DTNB: variants seen among roughly 807,000 people sequenced by gnomAD.
DTNB encodes the protein dystrobrevin beta.
In DTNB, 63 loss-of-function variants were observed where a neutral mutation model predicts 90.7. The ratio of observed to expected loss-of-function variants is 0.69; its 90% CI spans 0.57 to 0.86. The LOEUF (loss-of-function observed/expected upper bound fraction) is 0.86. Ranked by LOEUF, DTNB falls within the 40% of genes least tolerant of loss-of-function variation. The probability of loss-of-function intolerance (pLI) is 0.00; values close to 1 mark genes in which losing one functional copy is unlikely to be tolerated. For synonymous variants in DTNB, 277 were observed against 286.7 expected, an observed-to-expected ratio of 0.97 and a Z score of 0.34; for missense variants, 744 against 807.1, an observed-to-expected ratio of 0.92 and a Z score of 0.95.
intron 16 of DTNB, among the ~76,000 whole-genome samples, chr2:25,394,652 A>G (rs999300819): frequency 2.6e-5 from 4 of 152,238 alleles, no homozygotes; most frequent in Admixed American, 6.5e-5. Context: ...ATTACTAATT[A>G]TCAGGGAAAT....
At chr2:25,432,318 C>T (rs1285255420) in intron 14 of DTNB, among the ~76,000 whole-genome samples, 3 of 152,084 alleles carry the variant, frequency 2.0e-5, no homozygotes, top group African/African-American at 7.2e-5. Flanking sequence ...TCCCCATTCC[C>T]TCCAAAACAC....
chr2:25,572,416 G>A (rs976861868), intron 8 of DTNB, among the ~76,000 whole-genome samples: 1 of 150,812 alleles, frequency 6.6e-6, no homozygotes, highest in African/African-American at 2.4e-5. Context: ...GCAGTTAGCC[G>A]AGATCGCGCC....
At chr2:25,593,565 A>C (rs2063967262) in intron 6 of DTNB, among the ~76,000 whole-genome samples, 1 of 152,150 alleles carries the variant, frequency 6.6e-6, no homozygotes, top group South Asian at 2.1e-4. Flanking sequence ...CAAATTTGAC[A>C]TATACAAAAA....
chr2:25,605,237 G>A (rs193179349), intron 5 of DTNB, among the ~76,000 whole-genome samples: 1 of 152,206 alleles, frequency 6.6e-6, no homozygotes, highest in Non-Finnish European at 1.5e-5. Flanking sequence ...AACCACACTT[G>A]AAATCTACTT....
At chr2:25,639,600 T>A (rs758293483) in intron 2 of DTNB, among the ~76,000 whole-genome samples, 181 of 146,258 alleles carry the variant, frequency 1.2e-3, no homozygotes, top group Non-Finnish European at 2.2e-3. Context: ...GCCTGTATTT[T>A]CCAAAAAAAA....
At chr2:25,515,485 T>C (rs2074903607) in intron 9 of DTNB, among the ~76,000 whole-genome samples, 1 of 152,176 alleles carries the variant, frequency 6.6e-6, no homozygotes, top group African/African-American at 2.4e-5. Context: ...TTATAGTCGG[T>C]TGATTTTGAC....
At chr2:25,493,295 T>C (rs1013210335) in intron 9 of DTNB, among the ~76,000 whole-genome samples, 1 of 152,222 alleles carries the variant, frequency 6.6e-6, no homozygotes, top group Non-Finnish European at 1.5e-5. Context: ...TAATCTCTTA[T>C]TAATATTTTG....
chr2:25,379,494 T>C (rs2036937075), intron 19 of DTNB, 171 bp from the exon 20 acceptor site: 1 of 729,366 alleles, frequency 1.4e-6, no homozygotes, highest in Non-Finnish European at 1.9e-6. Flanking sequence ...GGTAGAGTCA[T>C]ACTTTCTACT....
intron 9 of DTNB, among the ~76,000 whole-genome samples, chr2:25,505,569 A>G (rs182364279): frequency 6.6e-6 from 1 of 152,242 alleles, no homozygotes; most frequent in Non-Finnish European, 1.5e-5. Context: ...TACATGGTTG[A>G]GTTAGTTTTT....
At chr2:25,590,760 GCAC>G (rs1283250858) in intron 6 of DTNB, among the ~76,000 whole-genome samples, 4 of 152,174 alleles carry the variant, frequency 2.6e-5, no homozygotes, top group Non-Finnish European at 4.4e-5. Context: ...CTTGGAAAAA[GCAC>G]CACAAGTTCC....
intron 5 of DTNB, among the ~76,000 whole-genome samples, chr2:25,597,612 G>A (rs1005133773): frequency 1.3e-5 from 2 of 152,160 alleles, no homozygotes; most frequent in African/African-American, 4.8e-5. Flanking sequence ...TCTTCAGTGT[G>A]TCCTCTCATG....
chr2:25,436,838 T>C (rs1051908347), intron 12 of DTNB, among the ~76,000 whole-genome samples: 2 of 152,158 alleles, frequency 1.3e-5, no homozygotes, highest in South Asian at 4.1e-4. Context: ...AGCTGCTTAA[T>C]AGAGTGAGAC....
chr2:25,420,466 C>CT (rs1216136691), intron 15 of DTNB, among the ~76,000 whole-genome samples: 35 of 144,590 alleles, frequency 2.4e-4, no homozygotes, highest in Non-Finnish European at 4.2e-4. Flanking sequence ...TCATCTAAAT[C>CT]AATCTATCTA....
At chr2:25,404,653 A>C (rs2044595864) in intron 16 of DTNB, among the ~76,000 whole-genome samples, 1 of 152,084 alleles carries the variant, frequency 6.6e-6, no homozygotes. Flanking sequence ...TCAGGAGTTC[A>C]AGACCAGCCT....
chr2:25,378,791 G>A (rs369099049), intron 20 of DTNB, among the ~76,000 whole-genome samples: 36 of 152,318 alleles, frequency 2.4e-4, no homozygotes, highest in African/African-American at 6.7e-4. Context: ...CATGGGAAGC[G>A]GCTTGGTCAG....
intron 8 of DTNB, among the ~76,000 whole-genome samples, chr2:25,564,217 T>C (rs748944184): frequency 2.0e-5 from 3 of 152,200 alleles, no homozygotes; most frequent in Non-Finnish European, 4.4e-5. Context: ...TGTATTTCTA[T>C]ATGAATTTTA....
chr2:25,492,824 T>A (rs2067858375), intron 9 of DTNB, among the ~76,000 whole-genome samples: 1 of 151,520 alleles, frequency 6.6e-6, no homozygotes. Context: ...CACTCCAGAG[T>A]GGGTGACAAA....
At chr2:25,519,689 G>A (rs754756406) in intron 9 of DTNB, among the ~76,000 whole-genome samples, 12 of 152,072 alleles carry the variant, frequency 7.9e-5, no homozygotes, top group Non-Finnish European at 1.6e-4. Flanking sequence ...AAAAAGTTTC[G>A]GATTTTGGAG....
chr2:25,387,239 C>T lies in DTNB; in HGVS notation c.1825+50G>A, dbSNP rs371685880. On this transcript the variant is annotated intron_variant, in intron 18 of 20. Transcript: ENST00000406818. This position sits in a 1 kb window ranked among gnomAD's most constrained non-coding sequence, Gnocchi z 4.5. ...TGCTGGCAAGGAAGTGAGAAGGGCGCGGGCAAGGCAGGGGAGGCCAGGAAG... is the reference window on the plus strand; with the variant it reads ...TGCTGGCAAGGAAGTGAGAAGGGCGTGGGCAAGGCAGGGGAGGCCAGGAAG... The T allele has an allele frequency of 2.7e-5, 43 of 1,568,610 alleles. No homozygotes were observed. Among genetic ancestry groups the T allele is most frequent in the African/African-American group, 9.4e-5 (7 of 74,108 alleles).
Sources: gnomAD v4.1 joint callset for allele counts (sites outside exome capture counted in the v4.1 genomes callset) on GRCh38, gnomAD v4.1.1 for gene constraint, Gnocchi (gnomAD v3.1) non-coding constraint, MANE v1.5 for transcripts, NCBI Gene and HGNC (gene_info 2026-07-23, HGNC 2026-07-21) for gene names.